TAFA2: variants seen among roughly 807,000 people sequenced by gnomAD.
The protein encoded by TAFA2 is chemokine-like protein TAFA-2.
TAFA2 carries 7 observed loss-of-function variants against 18.8 expected under a neutral mutation model. The ratio of observed to expected loss-of-function variants is 0.37; its 90% CI spans 0.21 to 0.70. The LOEUF is 0.70. TAFA2 is among the 30% of genes least tolerant of loss of function. The pLI is 0.53. For missense variants in TAFA2, 122 were observed against 158.1 expected, an observed-to-expected ratio of 0.77 and a Z score of 1.23; for synonymous variants, 60 against 54.2, an observed-to-expected ratio of 1.11 and a Z score of -0.47.
intron 1 of TAFA2, among the ~76,000 whole-genome samples, chr12:61,945,989 G>GC (rs1284190361): frequency 8.2e-6 from 1 of 122,346 alleles, no homozygotes; most frequent in Non-Finnish European, 1.6e-5. Context: ...AAAAGAGCCC[G>GC]CATCGCCAAG....
chr12:61,968,564 T>G (rs914131403), intron 1 of TAFA2, among the ~76,000 whole-genome samples: 3 of 151,798 alleles, frequency 2.0e-5, no homozygotes, highest in African/African-American at 7.2e-5. Context: ...TTGAACACAT[T>G]CAGGTCTGCT....
At chr12:61,781,378 ATGTT>A (rs760425328) in intron 2 of TAFA2, among the ~76,000 whole-genome samples, 6 of 151,792 alleles carry the variant, frequency 4.0e-5, no homozygotes, top group East Asian at 1.9e-4. Context: ...AATCTGAGGT[ATGTT>A]TGACATGCAG....
intron 1 of TAFA2, among the ~76,000 whole-genome samples, chr12:62,037,360 T>A (rs549223569): frequency 2.0e-5 from 3 of 152,326 alleles, no homozygotes; most frequent in African/African-American, 7.2e-5. Context: ...AAAGAATCCT[T>A]CTGATCCATG....
intron 1 of TAFA2, chr12:61,879,270 G>A (rs571864764): frequency 4.5e-5 from 19 of 417,586 alleles, no homozygotes; most frequent in Middle Eastern, 5.2e-4. Context: ...ACTCCTTCTC[G>A]AATCTCCGCC....
chr12:62,250,033 C>T (rs371456092), intron 1 of TAFA2, among the ~76,000 whole-genome samples: 5 of 152,154 alleles, frequency 3.3e-5, no homozygotes, highest in African/African-American at 1.2e-4. Context: ...GTTTATTTGT[C>T]TCAGATTCTG....
intron 1 of TAFA2, among the ~76,000 whole-genome samples, chr12:62,181,999 C>CCG (rs548525246): frequency 2.0e-5 from 3 of 150,284 alleles, no homozygotes; most frequent in Non-Finnish European, 4.4e-5. Context: ...ATCCCCCCCC[C>CCG]GCTACACATA....
chr12:61,847,379 C>T (rs1233930972), intron 2 of TAFA2, among the ~76,000 whole-genome samples: 1 of 151,998 alleles, frequency 6.6e-6, no homozygotes, highest in African/African-American at 2.4e-5. Context: ...ATGCTCAATA[C>T]ATATTTGTTG....
chr12:61,861,519 T>G (rs1874127791), intron 2 of TAFA2, among the ~76,000 whole-genome samples: 1 of 152,152 alleles, frequency 6.6e-6, no homozygotes, highest in Non-Finnish European at 1.5e-5. Context: ...CTTCCCAAAG[T>G]GCTGGGATTA....
chr12:62,078,572 C>T (rs1868273382), intron 1 of TAFA2, among the ~76,000 whole-genome samples: 1 of 151,204 alleles, frequency 6.6e-6, no homozygotes, highest in Non-Finnish European at 1.5e-5. Context: ...AGACATATGA[C>T]ACATAAAGAA....
chr12:61,760,871 C>G (rs1473801644), intron 2 of TAFA2, among the ~76,000 whole-genome samples: 1 of 121,002 alleles, frequency 8.3e-6, no homozygotes, highest in East Asian at 2.5e-4. Flanking sequence ...CCCAAGTCAC[C>G]AAAAAAAAAA....
chr12:61,852,930 G>T (rs537874433), intron 2 of TAFA2, among the ~76,000 whole-genome samples: 1 of 152,106 alleles, frequency 6.6e-6, no homozygotes, highest in Non-Finnish European at 1.5e-5. Flanking sequence ...ACTGGTCAAA[G>T]GGTACAAACC....
At chr12:62,041,062 A>C (rs1201917006) in intron 1 of TAFA2, among the ~76,000 whole-genome samples, 1 of 152,190 alleles carries the variant, frequency 6.6e-6, no homozygotes, top group Non-Finnish European at 1.5e-5. Context: ...TTTGTTCTCA[A>C]AACAATCTGA....
At chr12:61,735,974 T>A (rs1186723147) in intron 4 of TAFA2, among the ~76,000 whole-genome samples, 1 of 152,074 alleles carries the variant, frequency 6.6e-6, no homozygotes, top group Middle Eastern at 3.2e-3. Context: ...TTTCAGGTAT[T>A]AAAGTGATTC....
intron 1 of TAFA2, among the ~76,000 whole-genome samples, chr12:62,158,283 G>A (rs1336639033): frequency 6.6e-6 from 1 of 152,122 alleles, no homozygotes; most frequent in Non-Finnish European, 1.5e-5. Context: ...ATTTGGAAAG[G>A]AATAAGCTGT....
At chr12:62,182,832 T>C (rs2136953061) in intron 1 of TAFA2, among the ~76,000 whole-genome samples, 1 of 152,370 alleles carries the variant, frequency 6.6e-6, no homozygotes. Context: ...TTTAACTATT[T>C]TAATTATTTC....
chr12:62,122,476 A>C (rs914835217), intron 1 of TAFA2, among the ~76,000 whole-genome samples: 2 of 152,182 alleles, frequency 1.3e-5, no homozygotes, highest in African/African-American at 4.8e-5. Context: ...TTAAGCATTG[A>C]CTTTTTATCT....
At chr12:61,879,597 A>T in intron 1 of TAFA2, 1 of 770,990 alleles carries the variant, frequency 1.3e-6, no homozygotes. Flanking sequence ...CACCCAGGAG[A>T]AGGAGCAGAT....
At chr12:61,999,580 T>C (rs1020539979) in intron 1 of TAFA2, among the ~76,000 whole-genome samples, 5 of 152,186 alleles carry the variant, frequency 3.3e-5, no homozygotes, top group Middle Eastern at 3.2e-3. Flanking sequence ...TCCATGCTAA[T>C]CAACAGAGTT....
At chr12:61,738,354 A>G (rs574429494) in intron 4 of TAFA2, among the ~76,000 whole-genome samples, 7 of 151,340 alleles carry the variant, frequency 4.6e-5, no homozygotes, top group African/African-American at 1.7e-4. Context: ...ACCCAGGCTA[A>G]TACTCCTCCC....
Sources: allele counts gnomAD v4.1 joint callset (sites outside exome capture counted in the v4.1 genomes callset), GRCh38; gene constraint gnomAD v4.1.1; transcripts MANE v1.5; gene names NCBI Gene and HGNC (gene_info 2026-07-23, HGNC 2026-07-21).